Variants in KIDINS220 observed in about 807,000 individuals in gnomAD.
KIDINS220 encodes the protein kinase D interacting substrate 220.
In KIDINS220, 63 loss-of-function variants were observed where a neutral mutation model predicts 157.6. That is an observed-to-expected ratio of 0.40 (90% CI 0.33 to 0.49). The LOEUF (loss-of-function observed/expected upper bound fraction) is 0.49. Among genes scored for constraint, KIDINS220 ranks in the 20% least tolerant of loss-of-function variants. The pLI, the probability that KIDINS220 is intolerant of heterozygous loss-of-function variation, is 0.66. For synonymous variants in KIDINS220, 732 were observed against 783.6 expected (o/e 0.93, Z 1.10); for missense variants, 1,772 against 2,171.2 (o/e 0.82, Z 3.65).
chr2:8,751,573 AAATTT>A lies in KIDINS220; in HGVS notation c.3078_3082del (p.Arg1026SerfsTer2), dbSNP rs1667367690. The A allele has an allele frequency of 6.2e-7, 1 of 1,612,914 alleles. No homozygotes were observed. The highest frequency in any genetic ancestry group is 2.2e-5 in the East Asian group (1 of 44,872). Reference sequence around the variant, plus strand: ...GGTCCTTGAAGACAAAAACACTTCAAAATTTCTTATATCTCCATCAATTTCAAGAA... The same window carrying A: ...GGTCCTTGAAGACAAAAACACTTCAACTTATATCTCCATCAATTTCAAGAA... On this transcript the variant is annotated frameshift_variant, in exon 23 of 30. Transcript: ENST00000256707. LOFTEE classifies it high-confidence loss of function.
At chr2:8,749,277 G>A (rs532377316) in intron 24 of KIDINS220, 57 of 359,216 alleles carry the variant, frequency 1.6e-4, no homozygotes, top group Non-Finnish European at 3.0e-4. Flanking sequence ...TACACAGGCA[G>A]TTTAGGCACT....
intron 22 of KIDINS220, among the ~76,000 whole-genome samples, chr2:8,759,031 G>A (rs978753977): frequency 1.3e-5 from 2 of 152,192 alleles, no homozygotes; most frequent in Admixed American, 6.5e-5. Context: ...TGCGAACAGT[G>A]CCAGGTGTTC....
intron 1 of KIDINS220, among the ~76,000 whole-genome samples, chr2:8,836,653 C>T (rs1680443260): frequency 6.6e-6 from 1 of 152,212 alleles, no homozygotes; most frequent in African/African-American, 2.4e-5. Context: ...CTGGGCTCTG[C>T]ACTCAATACC....
intron 2 of KIDINS220, among the ~76,000 whole-genome samples, chr2:8,823,986 C>A (rs1016203687): frequency 8.7e-5 from 13 of 148,598 alleles, no homozygotes; most frequent in Non-Finnish European, 1.6e-4. Flanking sequence ...AAAAAAAAAA[C>A]ATAGAGCTTA....
intron 21 of KIDINS220, among the ~76,000 whole-genome samples, chr2:8,772,273 C>T (rs1670334849): frequency 6.6e-6 from 1 of 151,972 alleles, no homozygotes; most frequent in Admixed American, 6.6e-5. Context: ...GTCAGGAGTT[C>T]AAGACCAGCC....
chr2:8,760,409 C>T (rs1327268279), intron 22 of KIDINS220, among the ~76,000 whole-genome samples: 18 of 152,170 alleles, frequency 1.2e-4, no homozygotes, highest in Admixed American at 1.2e-3. Context: ...ATGACTTTCA[C>T]CTAGTCAGAG....
At position 8,819,935 on chromosome 2, in the gene KIDINS220, A is replaced by C. The variant is rs780048637; in HGVS notation, c.109-1142T>G. ...CATATGAGAAAAATGTACACCAAAA[A>C]TTAAGTTTAATTATGCAAACACTTA... is the stretch of plus-strand genomic sequence containing the variant. On this transcript the variant is annotated intron_variant, in intron 2 of 29. Coordinates refer to ENST00000256707, the MANE Select transcript of KIDINS220 (RefSeq NM_020738.4). 1.9e-4 allele frequency among the ~76,000 whole-genome samples: 29 copies of C among 152,218 alleles called. 1 individual carries two copies. The highest frequency in any genetic ancestry group is 8.3e-4 in the South Asian group (4 of 4,832).
chr2:8,777,536 A>G (rs546252976), intron 20 of KIDINS220, among the ~76,000 whole-genome samples: 4 of 152,202 alleles, frequency 2.6e-5, no homozygotes, highest in Non-Finnish European at 4.4e-5. Context: ...CCTGGTCTCA[A>G]GTGATCCTTC....
intron 1 of KIDINS220, among the ~76,000 whole-genome samples, chr2:8,833,073 A>C (rs1390570427): frequency 1.3e-5 from 2 of 152,178 alleles, no homozygotes; most frequent in African/African-American, 4.8e-5. Flanking sequence ...TAGCTACTTT[A>C]AAATATACCA....
At chr2:8,785,489 A>G (rs1672269989) in intron 17 of KIDINS220, among the ~76,000 whole-genome samples, 1 of 152,130 alleles carries the variant, frequency 6.6e-6, no homozygotes, top group Admixed American at 6.6e-5. Context: ...AATCGTGCCA[A>G]TTGGGGAGGC....
intron 15 of KIDINS220, 38 bp downstream of exon 15, chr2:8,788,609 C>T (rs760388069): frequency 6.3e-7 from 1 of 1,580,812 alleles, no homozygotes; most frequent in South Asian, 1.1e-5. Flanking sequence ...TTTTCTGAAT[C>T]TCATTGAAGA....
intron 7 of KIDINS220, among the ~76,000 whole-genome samples, chr2:8,804,604 TA>T (rs1251655021): frequency 6.6e-6 from 1 of 152,166 alleles, no homozygotes; most frequent in Non-Finnish European, 1.5e-5. Flanking sequence ...AAGGCACAGC[TA>T]AAAATATCCC....
chr2:8,811,617 T>C (rs920680703), intron 6 of KIDINS220, among the ~76,000 whole-genome samples: 1 of 151,760 alleles, frequency 6.6e-6, no homozygotes, highest in East Asian at 1.9e-4. Flanking sequence ...TGGAAAGAAA[T>C]GGCAAGAAGT....
intron 22 of KIDINS220, among the ~76,000 whole-genome samples, chr2:8,752,155 G>A (rs1301540825): frequency 1.3e-5 from 2 of 152,016 alleles, no homozygotes; most frequent in Non-Finnish European, 2.9e-5. Context: ...GGGTAGCTAA[G>A]ACTACAGGCT....
chr2:8,797,866 G>C (rs1418453537), intron 10 of KIDINS220, among the ~76,000 whole-genome samples: 6 of 152,186 alleles, frequency 3.9e-5, no homozygotes, highest in Non-Finnish European at 7.3e-5. Flanking sequence ...GGCTGGCCTG[G>C]AACTCCTGAG....
At chr2:8,791,700 T>C (rs1258177890) in intron 12 of KIDINS220, among the ~76,000 whole-genome samples, 2 of 152,142 alleles carry the variant, frequency 1.3e-5, no homozygotes, top group East Asian at 3.8e-4. Flanking sequence ...GTGTAATACC[T>C]ATACAAAGAA....
chr2:8,814,076 G>C (rs979050354), intron 4 of KIDINS220, among the ~76,000 whole-genome samples: 8 of 152,142 alleles, frequency 5.3e-5, no homozygotes, highest in Non-Finnish European at 1.0e-4. Flanking sequence ...TTAAATCCCA[G>C]ATCATTTTAG....
chr2:8,734,060 T>C (rs575517966), intron 28 of KIDINS220, among the ~76,000 whole-genome samples: 8 of 152,172 alleles, frequency 5.3e-5, no homozygotes, highest in African/African-American at 1.9e-4. Flanking sequence ...GCAGTCTCAC[T>C]ACAGAAGGGA....
At chr2:8,773,476 CTT>C (rs748234420) in intron 21 of KIDINS220, among the ~76,000 whole-genome samples, 26 of 139,196 alleles carry the variant, frequency 1.9e-4, no homozygotes, top group African/African-American at 1.6e-4. Context: ...TAGATTTTTT[CTT>C]TTTTTTTTTT....
Sources: gnomAD v4.1 joint callset for allele counts (sites outside exome capture counted in the v4.1 genomes callset) on GRCh38, gnomAD v4.1.1 for gene constraint, MANE v1.5 for transcripts, NCBI Gene and HGNC (gene_info 2026-07-23, HGNC 2026-07-21) for gene names.